Variants in VWA3B observed in about 807,000 individuals in gnomAD.
VWA3B encodes the protein von Willebrand factor A domain containing 3B.
In VWA3B, 138 loss-of-function variants were observed where a neutral mutation model predicts 158.3. The observed-to-expected ratio is 0.87, with a 90% CI of 0.76 to 1.00. The LOEUF (loss-of-function observed/expected upper bound fraction) is 1.00. Ranked by LOEUF, VWA3B falls within the 50% of genes least tolerant of loss-of-function variation. The probability of loss-of-function intolerance (pLI) is 0.00; values close to 1 mark genes in which losing one functional copy is unlikely to be tolerated. For synonymous variants in VWA3B, 596 were observed against 587.3 expected, an observed-to-expected ratio of 1.01 and a Z score of -0.21; for missense variants, 1,555 against 1,565.1, an observed-to-expected ratio of 0.99 and a Z score of 0.11.
intron 4 of VWA3B, among the ~76,000 whole-genome samples, chr2:98,120,931 A>C (rs898727310): frequency 2.0e-5 from 3 of 152,228 alleles, no homozygotes; most frequent in African/African-American, 7.2e-5. Flanking sequence ...GCAAACCTTA[A>C]TACTGTGAAT....
chr2:98,258,757 A>G lies in VWA3B; in HGVS notation c.2843+2583A>G, dbSNP rs78657074. Among the ~76,000 whole-genome samples, 723 of 151,920 alleles carry G rather than the reference A, an allele frequency of 4.8e-3. 10 individuals carry two copies. The highest frequency in any genetic ancestry group is 0.017 in the African/African-American group (689 of 41,500). ...GGAATCTATGGGGTTTTCTATATATAGAAACATATCATCTGCAAGTAGAAA... is the reference window on the plus strand; with the variant it reads ...GGAATCTATGGGGTTTTCTATATATGGAAACATATCATCTGCAAGTAGAAA... On this transcript the variant is annotated intron_variant, in intron 21 of 27. Coordinates refer to ENST00000477737, the MANE Select transcript of VWA3B (RefSeq NM_144992.5).
At chr2:98,253,401 G>A (rs1396904098) in intron 20 of VWA3B, among the ~76,000 whole-genome samples, 1 of 152,174 alleles carries the variant, frequency 6.6e-6, no homozygotes, top group Admixed American at 6.5e-5. Context: ...GTCACACTTA[G>A]TGCCCATGCA....
At chr2:98,245,376 C>G (rs1574183273) in intron 19 of VWA3B, 1 of 366,496 alleles carries the variant, frequency 2.7e-6, no homozygotes, top group Admixed American at 3.6e-5. Context: ...CATAGTCACA[C>G]TAAATTTGAC....
chr2:98,193,244 G>T (rs1330780403), intron 11 of VWA3B, among the ~76,000 whole-genome samples: 2 of 152,176 alleles, frequency 1.3e-5, no homozygotes, highest in African/African-American at 4.8e-5. Context: ...AGTTGCTTAA[G>T]GGAGTTGCTA....
At chr2:98,112,322 G>T (rs1674205311) in intron 2 of VWA3B, among the ~76,000 whole-genome samples, 1 of 151,776 alleles carries the variant, frequency 6.6e-6, no homozygotes, top group South Asian at 2.1e-4. Context: ...GTGTGTGTGT[G>T]TGTTTTACCA....
chr2:98,298,252 C>T (rs141906502), intron 24 of VWA3B, among the ~76,000 whole-genome samples: 57 of 152,264 alleles, frequency 3.7e-4, no homozygotes, highest in African/African-American at 1.3e-3. Context: ...TTATGTAGCT[C>T]AGGGCTGCAC....
At chr2:98,229,838 T>C (rs12999985) in intron 15 of VWA3B, among the ~76,000 whole-genome samples, 87,812 of 151,918 alleles carry the variant, frequency 0.58, 25,802 homozygotes, top group South Asian at 0.81. Flanking sequence ...TGAAGTGAGC[T>C]GTATCTTCTG....
intron 19 of VWA3B, among the ~76,000 whole-genome samples, chr2:98,243,093 A>G (rs1686183847): frequency 6.6e-6 from 1 of 152,052 alleles, no homozygotes; most frequent in Non-Finnish European, 1.5e-5. Flanking sequence ...TACTTTCTGT[A>G]TATAGATATC....
intron 1 of VWA3B, among the ~76,000 whole-genome samples, chr2:98,088,412 G>C (rs1559521721): frequency 6.6e-6 from 1 of 152,160 alleles, no homozygotes; most frequent in Non-Finnish European, 1.5e-5. Context: ...GGCAGCCCAG[G>C]AGCATCTGCT....
intron 13 of VWA3B, among the ~76,000 whole-genome samples, chr2:98,212,617 T>A (rs1260547662): frequency 1.3e-5 from 2 of 152,216 alleles, no homozygotes; most frequent in Non-Finnish European, 2.9e-5. Context: ...TAATGTAAAT[T>A]AACAGCTAAA....
At chr2:98,237,674 G>T (rs1024905801) in intron 19 of VWA3B, among the ~76,000 whole-genome samples, 2 of 152,190 alleles carry the variant, frequency 1.3e-5, no homozygotes, top group Non-Finnish European at 2.9e-5. Flanking sequence ...AAAAACATGA[G>T]AACATGAAGA....
chr2:98,226,838 T>C (rs1478176349), intron 14 of VWA3B, among the ~76,000 whole-genome samples: 1 of 152,118 alleles, frequency 6.6e-6, no homozygotes, highest in African/African-American at 2.4e-5. Context: ...CATCGTAAAA[T>C]TCAACATCCC....
intron 22 of VWA3B, among the ~76,000 whole-genome samples, chr2:98,273,504 C>T (rs1447848298): frequency 6.6e-6 from 1 of 152,218 alleles, no homozygotes; most frequent in South Asian, 2.1e-4. Context: ...TGTCGATTTA[C>T]CTTCCTCGCC....
rs144174386 is a variant in VWA3B, at chr2:98,108,613, C to A, written c.197-7039C>A. ...TCATTATATAATGTCCTGCTCTGTC[C>A]CCAGTAATATTCTTTGCTATGAAGT... On this transcript the variant is annotated intron_variant, in intron 2 of 27. Coordinates refer to ENST00000477737, the MANE Select transcript of VWA3B (RefSeq NM_144992.5). Among the ~76,000 whole-genome samples, 917 of 152,180 alleles carry A rather than the reference C, an allele frequency of 6.0e-3. 23 individuals are homozygous for A. The highest frequency in any genetic ancestry group is 4.0e-3 in the Non-Finnish European group (272 of 67,996).
At chr2:98,188,156 A>G in intron 10 of VWA3B, 27 bp downstream of exon 10, 1 of 1,600,560 alleles carries the variant, frequency 6.2e-7, no homozygotes, top group African/African-American at 1.3e-5. Flanking sequence ...GGAAGTTACA[A>G]GTGGTCTCCT....
Position 98,229,951 on chromosome 2 carries a change from A to G in VWA3B, c.2151-99A>G, listed in dbSNP as rs144548033. The G allele has an allele frequency of 6.9e-4, 905 of 1,309,994 alleles. 4 individuals carry two copies. In the African/African-American group the frequency reaches 0.012, roughly 17 times the overall value. 81.1% of individuals were successfully genotyped at this position (1,309,994 alleles called of 1,614,324 possible). A position where few individuals can be genotyped will look rare whatever the true frequency, so the allele number is the denominator to read the frequency against. ...GGAAGGCTTACTTTTTAAAGTTTGC[A>G]GTGTTCAACATGAATGTATTGACTT... On this transcript the variant is annotated intron_variant, in intron 15 of 27. Coordinates refer to ENST00000477737, the MANE Select transcript of VWA3B (RefSeq NM_144992.5).
rs1040595256 is a variant in VWA3B, at chr2:98,303,734, C to G, written c.3453C>G (p.Ile1151Met). ...EFCPRSALIK[I>M]SQNKYALSCS... ...GCCCTCGGAGTGCACTTATTAAGAT[C>G]AGCCAAAACAAGTATGCGCTCTCTT... The change falls in exon 26 of 28, where the codon ATC becomes ATG. Residue 1151 changes from isoleucine to methionine, a missense_variant. Coordinates refer to ENST00000477737, the MANE Select transcript of VWA3B (RefSeq NM_144992.5). 8 of 1,614,022 alleles carry G rather than the reference C, an allele frequency of 5.0e-6. No homozygotes were observed. The African/African-American group carries it at 1.1e-4, about 22-fold the overall frequency.
rs563049393 is a variant in VWA3B at position 98,266,228 on chromosome 2, G to A, written c.2844-4454G>A. Among the ~76,000 whole-genome samples, 47 of 152,000 alleles carry A rather than the reference G, an allele frequency of 3.1e-4. 1 individual carries two copies. In the South Asian group the frequency reaches 9.6e-3, roughly 31 times the overall value. Reference sequence around the variant, plus strand: ...TCTTGAATTAATTTTTGTATAAGGTGTAAGGAAGGGATCCAGTTTCAGCTT... The same window carrying A: ...TCTTGAATTAATTTTTGTATAAGGTATAAGGAAGGGATCCAGTTTCAGCTT... On this transcript the variant is annotated intron_variant, in intron 21 of 27. Coordinates refer to ENST00000477737, the MANE Select transcript of VWA3B (RefSeq NM_144992.5).
intron 12 of VWA3B, chr2:98,207,195 C>CGTAGT (rs1420460865): frequency 1.8e-6 from 1 of 549,994 alleles, no homozygotes; most frequent in Non-Finnish European, 3.7e-6. Flanking sequence ...ATTGCCACTA[C>CGTAGT]CAAGAGGAGA....
Sources: allele counts gnomAD v4.1 joint callset (sites outside exome capture counted in the v4.1 genomes callset), GRCh38; gene constraint gnomAD v4.1.1; transcripts MANE v1.5; gene names NCBI Gene and HGNC (gene_info 2026-07-23, HGNC 2026-07-21).